RHOJ: variants seen among roughly 807,000 people sequenced by gnomAD.
RHOJ encodes the protein rho-related GTP-binding protein RhoJ.
A neutral mutation model predicts 23.4 loss-of-function variants in RHOJ; 11 were observed. That is an observed-to-expected ratio of 0.47 (90% CI 0.30 to 0.78). The LOEUF (loss-of-function observed/expected upper bound fraction) is 0.78. Ranked by LOEUF, RHOJ falls within the 30% of genes least tolerant of loss-of-function variation. The pLI is 0.08. For synonymous variants in RHOJ, 102 were observed against 102.7 expected (o/e 0.99, Z 0.04); for missense variants, 254 against 273.4 (o/e 0.93, Z 0.50).
intron 4 of RHOJ, among the ~76,000 whole-genome samples, chr14:63,287,003 G>T (rs1303340474): frequency 6.6e-6 from 1 of 152,064 alleles, no homozygotes; most frequent in Admixed American, 6.6e-5. Flanking sequence ...CTCAAATGAG[G>T]AATACAGAAC....
At chr14:63,275,088 A>C (rs2139659662) in intron 2 of RHOJ, among the ~76,000 whole-genome samples, 1 of 152,258 alleles carries the variant, frequency 6.6e-6, no homozygotes, top group African/African-American at 2.4e-5. Flanking sequence ...CTTGGGCTCC[A>C]TTCCAGTCCT....
At chr14:63,205,147 G>A (rs1566599768) in intron 1 of RHOJ, 100 bp downstream of exon 1, 3 of 1,298,626 alleles carry the variant, frequency 2.3e-6, no homozygotes, top group Admixed American at 2.5e-5. Context: ...TCAGTATTGG[G>A]TGCGGGCCTG....
intron 1 of RHOJ, among the ~76,000 whole-genome samples, chr14:63,255,122 T>C (rs1250578470): frequency 6.6e-6 from 1 of 152,152 alleles, no homozygotes; most frequent in African/African-American, 2.4e-5. Flanking sequence ...ATCTCTTTCA[T>C]CTCTTTTTGG....
At chr14:63,226,013 C>A (rs1894588402) in intron 1 of RHOJ, among the ~76,000 whole-genome samples, 1 of 152,056 alleles carries the variant, frequency 6.6e-6, no homozygotes, top group Admixed American at 6.5e-5. Flanking sequence ...AACTGCCCAA[C>A]CTGGAATACC....
At position 63,204,806 on chromosome 14, in the gene RHOJ, T is replaced by C. The variant is rs941526261; in HGVS notation, c.-64T>C. The C allele has an allele frequency of 1.4e-5, 22 of 1,519,352 alleles. No individual in the cohort carries two copies. The highest frequency in any genetic ancestry group is 1.7e-5 in the Non-Finnish European group (19 of 1,115,562). 94.1% of individuals were successfully genotyped at this position (1,519,352 alleles called of 1,614,324 possible). A position where few individuals can be genotyped will look rare whatever the true frequency, so the allele number is the denominator to read the frequency against. ...CTGGCACTGGCTTTCTGCCGCTTCA[T>C]GTGCTTTGGAAAAAGCAGGAGAAGC... On this transcript the variant is annotated 5_prime_UTR_variant, in exon 1 of 5. The change abolishes an upstream ATG in the 5' untranslated region. Coordinates refer to ENST00000316754, the MANE Select transcript of RHOJ (RefSeq NM_020663.5).
At chr14:63,245,597 G>T (rs1029201194) in intron 1 of RHOJ, among the ~76,000 whole-genome samples, 3 of 152,090 alleles carry the variant, frequency 2.0e-5, no homozygotes, top group Non-Finnish European at 2.9e-5. Flanking sequence ...GTTTGAGACC[G>T]CAGTGAGCTA....
At chr14:63,241,655 G>A (rs1295965721) in intron 1 of RHOJ, among the ~76,000 whole-genome samples, 1 of 152,088 alleles carries the variant, frequency 6.6e-6, no homozygotes, top group Admixed American at 6.6e-5. Context: ...AGGTTACGAG[G>A]AAAAAAAGTA....
chr14:63,280,221 C>T (rs907101973), intron 2 of RHOJ, among the ~76,000 whole-genome samples: 3 of 151,944 alleles, frequency 2.0e-5, no homozygotes, highest in Non-Finnish European at 4.4e-5. Context: ...GATAGGGTCT[C>T]GCTATATTGC....
intron 2 of RHOJ, among the ~76,000 whole-genome samples, chr14:63,279,416 C>T (rs1594776897): frequency 2.0e-5 from 3 of 152,130 alleles, no homozygotes; most frequent in Non-Finnish European, 2.9e-5. Flanking sequence ...TGTGTATGCA[C>T]GCTTACACAC....
chr14:63,266,829 T>A (rs1337077193), intron 1 of RHOJ, among the ~76,000 whole-genome samples: 1 of 152,214 alleles, frequency 6.6e-6, no homozygotes, highest in East Asian at 1.9e-4. Context: ...TTTCTAGGTA[T>A]AGAATCATAT....
At chr14:63,240,571 T>A (rs1367913161) in intron 1 of RHOJ, among the ~76,000 whole-genome samples, 4 of 152,162 alleles carry the variant, frequency 2.6e-5, no homozygotes, top group African/African-American at 9.7e-5. Context: ...TACTGGAATA[T>A]TTACATTGAA....
chr14:63,209,681 A>G (rs1894190528), intron 1 of RHOJ, among the ~76,000 whole-genome samples: 1 of 152,200 alleles, frequency 6.6e-6, no homozygotes, highest in Non-Finnish European at 1.5e-5. Flanking sequence ...TAGACACTCA[A>G]CAGACTCTCA....
intron 1 of RHOJ, among the ~76,000 whole-genome samples, chr14:63,221,071 G>C (rs1894481920): frequency 6.6e-6 from 1 of 152,262 alleles, no homozygotes; most frequent in Middle Eastern, 3.4e-3. Flanking sequence ...GCTCACACCT[G>C]TAATCCCAGC....
intron 1 of RHOJ, among the ~76,000 whole-genome samples, chr14:63,265,276 A>C (rs1487671632): frequency 1.3e-5 from 2 of 152,190 alleles, no homozygotes; most frequent in Non-Finnish European, 2.9e-5. Flanking sequence ...TATTGAGTAG[A>C]GTGTCTTTTC....
chr14:63,240,204 TTAA>T (rs1894859092), intron 1 of RHOJ, among the ~76,000 whole-genome samples: 1 of 152,196 alleles, frequency 6.6e-6, no homozygotes, highest in Admixed American at 6.5e-5. Flanking sequence ...ATTAAAAGTT[TTAA>T]TAATAAGAGT....
intron 4 of RHOJ, among the ~76,000 whole-genome samples, chr14:63,285,965 T>C (rs10143096): frequency 0.068 from 10,312 of 152,286 alleles, 413 homozygotes; most frequent in African/African-American, 0.094. Context: ...CTCTTTGCCC[T>C]CTCCGGCCAT....
rs1004131 is a variant in RHOJ at position 63,293,385 on chromosome 14, T to A, written c.*2361T>A. ...ATGGGCCACAGGAAGTAAGTTGATCTTGATGGGGAGATCACGTCACCCAGA... is the reference window on the plus strand; with the variant it reads ...ATGGGCCACAGGAAGTAAGTTGATCATGATGGGGAGATCACGTCACCCAGA... On this transcript the variant is annotated 3_prime_UTR_variant, in exon 5 of 5. Coordinates refer to ENST00000316754, the MANE Select transcript of RHOJ (RefSeq NM_020663.5). Among the ~76,000 whole-genome samples, 151,788 of 152,318 alleles carry A rather than the reference T, an allele frequency of 1. 75,631 individuals carry two copies. Among genetic ancestry groups the A allele is most frequent in the Non-Finnish European group, 1 (68,044 of 68,044 alleles).
At chr14:63,234,023 C>T (rs1458267065) in intron 1 of RHOJ, among the ~76,000 whole-genome samples, 1 of 152,242 alleles carries the variant, frequency 6.6e-6, no homozygotes, top group Non-Finnish European at 1.5e-5. Flanking sequence ...CACTACATGT[C>T]AGTCCCACAC....
intron 3 of RHOJ, among the ~76,000 whole-genome samples, chr14:63,281,489 A>G (rs1300514444): frequency 6.6e-6 from 1 of 152,010 alleles, no homozygotes; most frequent in African/African-American, 2.4e-5. Context: ...TATATCTGAA[A>G]CCCACAGTTG....
Sources: gnomAD v4.1 joint callset for allele counts (sites outside exome capture counted in the v4.1 genomes callset) on GRCh38, gnomAD v4.1.1 for gene constraint, MANE v1.5 for transcripts, NCBI Gene and HGNC (gene_info 2026-07-23, HGNC 2026-07-21) for gene names.